Variants in HHAT observed in about 807,000 individuals in gnomAD.
HHAT encodes hedgehog acyltransferase, also known as protein-cysteine N-palmitoyltransferase HHAT.
HHAT carries 47 observed loss-of-function variants against 70.8 expected under a neutral mutation model. The observed-to-expected ratio is 0.66, with a 90% confidence interval of 0.53 to 0.85. The LOEUF is 0.85. HHAT is among the 40% of genes least tolerant of loss of function. The pLI is 0.00. For synonymous variants in HHAT, 228 were observed against 247.6 expected (o/e 0.92, Z 0.74); for missense variants, 609 against 604.8 (o/e 1.01, Z -0.07).
rs187324169 is a variant in HHAT, at chr1:210,445,101, G to A, written c.857-19404G>A. ...GATCTGCCTGACTCGGCCTCCCAAA[G>A]TGCTGGGATTACAGGCATGAGCTAC... On this transcript the variant is annotated intron_variant, in intron 7 of 11. Coordinates refer to ENST00000261458, the MANE Select transcript of HHAT (RefSeq NM_018194.6). Among the ~76,000 whole-genome samples the A allele has an allele frequency of 4.0e-3, 602 of 152,304 alleles. 2 individuals carry two copies. Among genetic ancestry groups the A allele is most frequent in the Non-Finnish European group, 5.6e-3 (379 of 68,020 alleles).
chr1:210,340,565 C>G (rs1571712057), intron 1 of HHAT, among the ~76,000 whole-genome samples: 1 of 152,252 alleles, frequency 6.6e-6, no homozygotes, highest in East Asian at 1.9e-4. Context: ...CAATTTTACT[C>G]TTATCTCTGC....
chr1:210,531,954 C>G (rs1222280648), intron 9 of HHAT, among the ~76,000 whole-genome samples: 2 of 152,108 alleles, frequency 1.3e-5, no homozygotes, highest in Non-Finnish European at 2.9e-5. Context: ...TACTTGCAAG[C>G]AACATGTGAT....
At chr1:210,447,683 A>G (rs1203227278) in intron 7 of HHAT, among the ~76,000 whole-genome samples, 1 of 152,196 alleles carries the variant, frequency 6.6e-6, no homozygotes, top group Admixed American at 6.5e-5. Flanking sequence ...CAGAGCTTGA[A>G]GTCACTGAAG....
At chr1:210,649,555 T>C (rs893714332) in intron 11 of HHAT, among the ~76,000 whole-genome samples, 1 of 152,216 alleles carries the variant, frequency 6.6e-6, no homozygotes, top group African/African-American at 2.4e-5. Context: ...TTGCTCCCAG[T>C]GTGAGGATGG....
At chr1:210,590,951 T>G (rs12145420) in intron 10 of HHAT, among the ~76,000 whole-genome samples, 146,710 of 152,184 alleles carry the variant, frequency 0.96, 70,940 homozygotes, top group East Asian at 1. Context: ...TACATAGTAG[T>G]TGTTTGTATT....
intron 7 of HHAT, among the ~76,000 whole-genome samples, chr1:210,425,295 G>GT (rs1430004189): frequency 1.3e-5 from 2 of 152,144 alleles, no homozygotes; most frequent in Admixed American, 6.6e-5. Flanking sequence ...CATTTTGTAG[G>GT]TTGTCTGTTT....
At chr1:210,638,917 C>T (rs1672457004) in intron 11 of HHAT, among the ~76,000 whole-genome samples, 5 of 151,772 alleles carry the variant, frequency 3.3e-5, no homozygotes, top group Middle Eastern at 6.8e-3. Context: ...AAATAAAATA[C>T]TTAAAAATTA....
At chr1:210,651,276 T>TAC (rs200903252) in intron 11 of HHAT, among the ~76,000 whole-genome samples, 42,550 of 151,802 alleles carry the variant, frequency 0.28, 6,471 homozygotes, top group East Asian at 0.4. Context: ...AGATGGCATA[T>TAC]CTGTCAAGAT....
Position 210,404,593 on chromosome 1 carries a change from T to C in HHAT, c.598T>C (p.Ser200Pro), listed in dbSNP as rs771340497. ...QQLPAASTSY[S>P]FPWMLAYVFY... is the part of the protein sequence containing the mutation. ...GCTGCCTGCTGCATCGACCTCCTACTCCTTTCCCTGGATGCTGGCCTATGT... is the reference window on the plus strand; with the variant it reads ...GCTGCCTGCTGCATCGACCTCCTACCCCTTTCCCTGGATGCTGGCCTATGT... Residue 200 changes from serine (S) to proline (P), a missense_variant, in exon 6 of 12, where the codon TCC (serine) becomes CCC (proline). Coordinates refer to ENST00000261458, the MANE Select transcript of HHAT (RefSeq NM_018194.6). 23 of 1,613,968 alleles carry C rather than the reference T, an allele frequency of 1.4e-5. No homozygotes were observed. Among genetic ancestry groups the C allele is most frequent in the Non-Finnish European group, 1.8e-5 (21 of 1,179,996 alleles).
At chr1:210,661,137 A>G (rs1677610404) in intron 11 of HHAT, among the ~76,000 whole-genome samples, 1 of 152,244 alleles carries the variant, frequency 6.6e-6, no homozygotes, top group Admixed American at 6.5e-5. Flanking sequence ...GGCAACCTAC[A>G]GAATGGGAGA....
At position 210,575,899 on chromosome 1, in the gene HHAT, A is replaced by T. The variant is rs981156195; in HGVS notation, c.1044-11999A>T. On this transcript the variant is annotated intron_variant, in intron 9 of 11. Coordinates refer to ENST00000261458, the MANE Select transcript of HHAT (RefSeq NM_018194.6). ...GTCAGGTGACTTTTCTACTTGGCAG[A>T]TAAAGGGGGAACCTGAGGGGAAGGG... Among the ~76,000 whole-genome samples, 3 of 152,202 alleles carry T rather than the reference A, an allele frequency of 2.0e-5. No homozygotes were observed. The South Asian group carries it at 6.2e-4, about 32-fold the overall frequency.
intron 9 of HHAT, among the ~76,000 whole-genome samples, chr1:210,542,177 A>G (rs769771874): frequency 9.2e-5 from 14 of 152,314 alleles, no homozygotes; most frequent in Non-Finnish European, 2.1e-4. Context: ...TTGACAGACG[A>G]CAACCTACGT....
At chr1:210,638,222 C>T (rs552873482) in intron 11 of HHAT, among the ~76,000 whole-genome samples, 10 of 152,294 alleles carry the variant, frequency 6.6e-5, no homozygotes, top group African/African-American at 2.4e-4. Flanking sequence ...AACTTATGTT[C>T]ACACAACACT....
intron 11 of HHAT, among the ~76,000 whole-genome samples, chr1:210,647,425 C>T (rs549329723): frequency 2.1e-4 from 32 of 152,302 alleles, no homozygotes; most frequent in African/African-American, 7.7e-4. Flanking sequence ...TTCCCCATTC[C>T]ACTGGGGACA....
intron 11 of HHAT, among the ~76,000 whole-genome samples, chr1:210,625,536 C>G (rs1669681785): frequency 6.6e-6 from 1 of 152,192 alleles, no homozygotes; most frequent in Non-Finnish European, 1.5e-5. Flanking sequence ...GAGTGAGTTA[C>G]TGGAGGTCAC....
chr1:210,559,004 T>C (rs1000499734), intron 9 of HHAT, among the ~76,000 whole-genome samples: 2 of 152,218 alleles, frequency 1.3e-5, no homozygotes, highest in East Asian at 3.8e-4. Flanking sequence ...TTAGATGGTA[T>C]CTAACTTGGT....
intron 10 of HHAT, among the ~76,000 whole-genome samples, chr1:210,591,369 A>G (rs1661661707): frequency 6.6e-6 from 1 of 152,134 alleles, no homozygotes; most frequent in Admixed American, 6.6e-5. Flanking sequence ...TGTTGTTGCA[A>G]AAGATAGGCC....
chr1:210,672,560 G>T (rs779894769), intron 11 of HHAT, among the ~76,000 whole-genome samples: 6 of 152,196 alleles, frequency 3.9e-5, no homozygotes, highest in Non-Finnish European at 8.8e-5. Context: ...TGGTGTATGT[G>T]TGTGTCTTTC....
At chr1:210,368,847 G>GTGGGCGGATCACC (rs2089272935) in intron 3 of HHAT, among the ~76,000 whole-genome samples, 1 of 152,090 alleles carries the variant, frequency 6.6e-6, no homozygotes, top group Admixed American at 6.5e-5. Context: ...GGAGGCCGAG[G>GTGGGCGGATCACC]TGGGCGGATC....
Sources: gnomAD v4.1 joint callset for allele counts (sites outside exome capture counted in the v4.1 genomes callset) on GRCh38, gnomAD v4.1.1 for gene constraint, MANE v1.5 for transcripts, NCBI Gene and HGNC (gene_info 2026-07-23, HGNC 2026-07-21) for gene names.